The following ZNF343 variants were observed in gnomAD, a reference collection of about 807,000 sequenced individuals.
The protein encoded by ZNF343 is zinc finger protein 343.
In ZNF343, 11 loss-of-function variants were observed where a neutral mutation model predicts 13.8. The observed-to-expected ratio is 0.80, with a 90% confidence interval of 0.50 to 1.32. The LOEUF is 1.32. Among genes scored for constraint, ZNF343 ranks in the 40% most tolerant of loss-of-function variants. ZNF343 has a pLI of 0.00. For missense variants in ZNF343, 658 were observed against 714.2 expected, an observed-to-expected ratio of 0.92 and a Z score of 0.90; for synonymous variants, 248 against 260.0, an observed-to-expected ratio of 0.95 and a Z score of 0.44.
intron 5 of ZNF343, among the ~76,000 whole-genome samples, chr20:2,490,538 T>TG (rs1157881020): frequency 3.5e-5 from 3 of 84,632 alleles, no homozygotes; most frequent in African/African-American, 1.7e-4. Context: ...TTTTTTTTGG[T>TG]TTTTGTTTTT....
chr20:2,515,668 A>G (rs2085756168), intron 1 of ZNF343, among the ~76,000 whole-genome samples: 1 of 152,150 alleles, frequency 6.6e-6, no homozygotes, highest in South Asian at 2.1e-4. Flanking sequence ...TGTTATCTCT[A>G]CTTGTCAGTA....
intron 5 of ZNF343, among the ~76,000 whole-genome samples, chr20:2,486,042 T>C (rs906458324): frequency 6.6e-6 from 1 of 152,266 alleles, no homozygotes; most frequent in African/African-American, 2.4e-5. Context: ...CGTGAACTTT[T>C]TGCCTTGATA....
chr20:2,502,289 C>A (rs541385138), intron 1 of ZNF343, among the ~76,000 whole-genome samples: 6 of 152,212 alleles, frequency 3.9e-5, no homozygotes, highest in Admixed American at 1.3e-4. Context: ...ACAAACAAAG[C>A]CTCCAAGAAA....
intron 4 of ZNF343, 186 bp from the exon 5 acceptor site, chr20:2,493,011 G>A (rs2085392363): frequency 1.5e-6 from 1 of 659,266 alleles, no homozygotes; most frequent in Non-Finnish European, 2.6e-6. Flanking sequence ...AACCTGTGAG[G>A]AGCATAACTG....
Position 2,508,295 on chromosome 20 carries a change from T to C in ZNF343, c.-237+586A>G, listed in dbSNP as rs6049629. On this transcript the variant is annotated intron_variant, in intron 1 of 5. Transcript: ENST00000278772. The surrounding 1 kb of genome is among the most constrained non-coding windows in gnomAD (Gnocchi z 4.5). ...CCTCCACTTCCAACCCCCCAACCCC[T>C]AATAAACCAAGGTCCATCAAGCATC... Among the ~76,000 whole-genome samples the C allele has an allele frequency of 0.67, 101,022 of 150,894 alleles. 35,259 individuals are homozygous for C. The highest frequency in any genetic ancestry group is 0.86 in the African/African-American group (35,500 of 41,044).
At chr20:2,500,286 G>C (rs1160122628) in intron 2 of ZNF343, among the ~76,000 whole-genome samples, 1 of 152,162 alleles carries the variant, frequency 6.6e-6, no homozygotes. Flanking sequence ...CTTTCAAATT[G>C]TTGAGAGTTT....
At chr20:2,505,443 A>C (rs1240712224) in intron 1 of ZNF343, among the ~76,000 whole-genome samples, 1 of 152,196 alleles carries the variant, frequency 6.6e-6, no homozygotes, top group Admixed American at 6.5e-5. Flanking sequence ...AATTGGAAAA[A>C]ACTACTTCAA....
chr20:2,493,104 G>A, intron 4 of ZNF343: 1 of 498,774 alleles, frequency 2.0e-6, no homozygotes. Context: ...ACCTCAGGCT[G>A]TGTTTAAGAC....
At chr20:2,496,878 T>G (rs929215999) in intron 2 of ZNF343, among the ~76,000 whole-genome samples, 37 of 152,174 alleles carry the variant, frequency 2.4e-4, no homozygotes, top group African/African-American at 8.9e-4. Flanking sequence ...GTCGGGAGTT[T>G]GAGACCAGCC....
At chr20:2,512,919 CAAAAA>C (rs71193970), upstream of ZNF343, among the ~76,000 whole-genome samples, 1 of 125,330 alleles carries the variant, frequency 8.0e-6, no homozygotes, top group Non-Finnish European at 1.7e-5. Flanking sequence ...ATTTCTCTAC[CAAAAA>C]AAAAAAAAAA....
chr20:2,503,742 A>G (rs2085608756), intron 1 of ZNF343, among the ~76,000 whole-genome samples: 1 of 152,248 alleles, frequency 6.6e-6, no homozygotes, highest in South Asian at 2.1e-4. Flanking sequence ...GCAGAAATAA[A>G]GATGTTCTTT....
intron 1 of ZNF343, among the ~76,000 whole-genome samples, chr20:2,523,548 T>C (rs1176531437): frequency 6.6e-6 from 1 of 152,036 alleles, no homozygotes; most frequent in African/African-American, 2.4e-5. Context: ...ATATTCACAA[T>C]CTTCTCAGTG....
At chr20:2,498,608 T>C (rs899480598) in intron 2 of ZNF343, among the ~76,000 whole-genome samples, 7 of 152,314 alleles carry the variant, frequency 4.6e-5, no homozygotes, top group African/African-American at 1.4e-4. Context: ...ATAATTCAGA[T>C]ATTCATCAGA....
chr20:2,499,114 C>T lies in ZNF343; in HGVS notation c.-150+1542G>A, dbSNP rs116367769. Among the ~76,000 whole-genome samples the T allele has an allele frequency of 9.5e-3, 1,442 of 151,338 alleles. 17 individuals are homozygous for T. The highest frequency in any genetic ancestry group is 0.033 in the African/African-American group (1,352 of 41,300). On this transcript the variant is annotated intron_variant, in intron 2 of 5. Transcript: ENST00000278772. Reference sequence around the variant, plus strand: ...TGCTGGGATTACAGGCGTGAGCCACCGCATGTGGCCTCACACTCTAATTAT... The same window carrying T: ...TGCTGGGATTACAGGCGTGAGCCACTGCATGTGGCCTCACACTCTAATTAT...
intron 2 of ZNF343, among the ~76,000 whole-genome samples, chr20:2,499,655 C>A (rs1472132736): frequency 6.6e-6 from 1 of 151,728 alleles, no homozygotes; most frequent in African/African-American, 2.4e-5. Flanking sequence ...AAGGGGTATT[C>A]CAAGGTAGAA....
chr20:2,523,969 G>A (rs1374636866), intron 1 of ZNF343, among the ~76,000 whole-genome samples: 2 of 119,862 alleles, frequency 1.7e-5, no homozygotes, highest in Admixed American at 9.7e-5. Context: ...GGGTGACAGA[G>A]ACCCCGTCTC....
chr20:2,520,653 G>C (rs2085778374), intron 1 of ZNF343, among the ~76,000 whole-genome samples: 1 of 152,066 alleles, frequency 6.6e-6, no homozygotes, highest in Non-Finnish European at 1.5e-5. Context: ...TTAAAGAGGA[G>C]AATCAGTGGG....
chr20:2,485,180 G>A (rs546936084), intron 5 of ZNF343, among the ~76,000 whole-genome samples: 3 of 152,220 alleles, frequency 2.0e-5, no homozygotes, highest in East Asian at 1.9e-4. Context: ...TGTAAACAAA[G>A]ACTTATTAGA....
intron 2 of ZNF343, among the ~76,000 whole-genome samples, chr20:2,497,941 C>G (rs2085488034): frequency 6.6e-6 from 1 of 152,122 alleles, no homozygotes; most frequent in Admixed American, 6.5e-5. Context: ...TGCTCAAATG[C>G]TCACGAAGAC....
Sources: allele counts gnomAD v4.1 joint callset (sites outside exome capture counted in the v4.1 genomes callset), GRCh38; gene constraint gnomAD v4.1.1; non-coding constraint Gnocchi (gnomAD v3.1); transcripts MANE v1.5; gene names NCBI Gene and HGNC (gene_info 2026-07-23, HGNC 2026-07-21).